The following HCN1 variants were observed in gnomAD, a reference collection of about 807,000 sequenced individuals.
The protein encoded by HCN1 is potassium/sodium hyperpolarization-activated cyclic nucleotide-gated channel 1.
Under a neutral mutation model 78.9 loss-of-function variants are expected in HCN1, and 13 were observed. That is an observed-to-expected ratio of 0.16 (90% CI 0.11 to 0.26). The LOEUF (loss-of-function observed/expected upper bound fraction) is 0.26, where lower values mean the gene tolerates loss of function less well. Among genes scored for constraint, HCN1 ranks in the 10% least tolerant of loss-of-function variants. HCN1 has a pLI of 1.00. For missense variants in HCN1, 810 were observed against 1,154.3 expected (o/e 0.70, Z 4.32); for synonymous variants, 552 against 455.5 (o/e 1.21, Z -2.70).
intron 2 of HCN1, among the ~76,000 whole-genome samples, chr5:45,586,811 T>C (rs1744238560): frequency 6.6e-6 from 1 of 152,178 alleles, no homozygotes; most frequent in Non-Finnish European, 1.5e-5. Context: ...AATTAATAAA[T>C]ATTCGTGATT....
chr5:45,583,263 C>G (rs1280590263), intron 2 of HCN1, among the ~76,000 whole-genome samples: 1 of 151,890 alleles, frequency 6.6e-6, no homozygotes, highest in South Asian at 2.1e-4. Flanking sequence ...GGAGGGTGTA[C>G]GTGTCGAGGA....
intron 2 of HCN1, among the ~76,000 whole-genome samples, chr5:45,521,393 A>G (rs1742611389): frequency 6.6e-6 from 1 of 151,996 alleles, no homozygotes; most frequent in African/African-American, 2.4e-5. Flanking sequence ...TCTGGAGGCT[A>G]GTAGTCTGAA....
At chr5:45,342,550 T>C (rs1746608994) in intron 5 of HCN1, among the ~76,000 whole-genome samples, 1 of 152,116 alleles carries the variant, frequency 6.6e-6, no homozygotes, top group Non-Finnish European at 1.5e-5. Context: ...CTTATTTCTT[T>C]CTTTTAACAA....
chr5:45,422,972 C>T (rs1173913154), intron 3 of HCN1, among the ~76,000 whole-genome samples: 1 of 151,880 alleles, frequency 6.6e-6, no homozygotes, highest in African/African-American at 2.4e-5. Flanking sequence ...TATTTGCCTG[C>T]ACAACAAGGT....
At chr5:45,344,286 A>G (rs146857167) in intron 5 of HCN1, among the ~76,000 whole-genome samples, 5 of 152,226 alleles carry the variant, frequency 3.3e-5, no homozygotes, top group African/African-American at 1.2e-4. Context: ...TGTAGGGATT[A>G]TGGGAGCTAC....
At chr5:45,686,091 C>G (rs1300056444) in intron 1 of HCN1, among the ~76,000 whole-genome samples, 1 of 151,336 alleles carries the variant, frequency 6.6e-6, no homozygotes, top group Admixed American at 6.6e-5. Flanking sequence ...ACTATATATA[C>G]TATATACCCC....
intron 4 of HCN1, among the ~76,000 whole-genome samples, chr5:45,382,420 A>G (rs115324694): frequency 1.5e-3 from 221 of 152,292 alleles, no homozygotes; most frequent in African/African-American, 4.0e-3. Flanking sequence ...TGACTGAATG[A>G]ATTAATATAT....
At chr5:45,537,974 AG>A (rs1276521990) in intron 2 of HCN1, among the ~76,000 whole-genome samples, 2 of 151,926 alleles carry the variant, frequency 1.3e-5, no homozygotes, top group Non-Finnish European at 2.9e-5. Flanking sequence ...AAGGAGAATT[AG>A]TATTATTGAT....
intron 2 of HCN1, among the ~76,000 whole-genome samples, chr5:45,539,509 C>T (rs1349485405): frequency 6.7e-6 from 1 of 150,338 alleles, no homozygotes; most frequent in Admixed American, 6.6e-5. Flanking sequence ...ACAAAAAACA[C>T]AAAAAATTAG....
intron 3 of HCN1, among the ~76,000 whole-genome samples, chr5:45,449,404 A>G (rs1740864916): frequency 6.6e-6 from 1 of 152,120 alleles, no homozygotes; most frequent in South Asian, 2.1e-4. Context: ...CAACAAATTC[A>G]GTTTTTGTTG....
chr5:45,403,867 G>T (rs532339935), intron 3 of HCN1, among the ~76,000 whole-genome samples: 1 of 152,232 alleles, frequency 6.6e-6, no homozygotes, highest in South Asian at 2.1e-4. Context: ...ACCATCATTT[G>T]ACAAATAATG....
At chr5:45,538,643 T>C (rs1037417043) in intron 2 of HCN1, among the ~76,000 whole-genome samples, 1 of 152,186 alleles carries the variant, frequency 6.6e-6, no homozygotes, top group Non-Finnish European at 1.5e-5. Context: ...TCAATGAATG[T>C]TTTTAAAAGA....
At chr5:45,594,547 C>A (rs1219964802) in intron 2 of HCN1, among the ~76,000 whole-genome samples, 2 of 152,134 alleles carry the variant, frequency 1.3e-5, no homozygotes, top group African/African-American at 4.8e-5. Flanking sequence ...CTAACCAAAG[C>A]ATTCCCTGAT....
At chr5:45,322,381 C>G (rs1485853533) in intron 5 of HCN1, among the ~76,000 whole-genome samples, 1 of 151,732 alleles carries the variant, frequency 6.6e-6, no homozygotes, top group Non-Finnish European at 1.5e-5. Context: ...ATGATATTCA[C>G]TAATATTTAT....
intron 2 of HCN1, among the ~76,000 whole-genome samples, chr5:45,497,107 G>T (rs568912459): frequency 1.3e-5 from 2 of 152,290 alleles, no homozygotes; most frequent in South Asian, 2.1e-4. Context: ...TTGCTGAGGA[G>T]ATCTTTACTT....
At chr5:45,273,069 T>C (rs971854166) in intron 6 of HCN1, among the ~76,000 whole-genome samples, 1 of 152,078 alleles carries the variant, frequency 6.6e-6, no homozygotes, top group Non-Finnish European at 1.5e-5. Flanking sequence ...GGGTAATAGG[T>C]CCCTTCATCT....
intron 3 of HCN1, among the ~76,000 whole-genome samples, chr5:45,404,693 C>CAAAAAAAAAAA (rs60728403): frequency 6.6e-4 from 37 of 56,186 alleles, no homozygotes; most frequent in Non-Finnish European, 1.1e-3. Flanking sequence ...GGGCTATTTG[C>CAAAAAAAAAAA]AAAAAAAAAA....
At chr5:45,667,835 C>G (rs937348226) in intron 1 of HCN1, among the ~76,000 whole-genome samples, 3 of 151,932 alleles carry the variant, frequency 2.0e-5, no homozygotes, top group African/African-American at 7.2e-5. Flanking sequence ...GCTAAAAAAA[C>G]AACTCCTATT....
In HCN1 at chr5:45,404,634, T is replaced by G. The variant is rs532401208; in HGVS notation, c.1012-7924A>C. Among the ~76,000 whole-genome samples the G allele has an allele frequency of 2.6e-3, 377 of 144,854 alleles. 2 individuals carry two copies. The highest frequency in any genetic ancestry group is 8.9e-3 in the African/African-American group (350 of 39,248). ...TCTATAGGCTTGAATGAAAATACTT[T>G]CTAGTCATCCTGTCCATATTGTTAC... On this transcript the variant is annotated intron_variant, in intron 3 of 7. Coordinates refer to ENST00000303230, the MANE Select transcript of HCN1 (RefSeq NM_021072.4).
Sources: allele counts gnomAD v4.1 joint callset (sites outside exome capture counted in the v4.1 genomes callset), GRCh38; gene constraint gnomAD v4.1.1; transcripts MANE v1.5; gene names NCBI Gene and HGNC (gene_info 2026-07-23, HGNC 2026-07-21).